Variants in DLGAP2 observed in about 807,000 individuals in gnomAD.
The protein encoded by DLGAP2 is DLG associated protein 2, also known as disks large-associated protein 2.
In DLGAP2, 26 loss-of-function variants were observed where a neutral mutation model predicts 100.3. The ratio of observed to expected loss-of-function variants is 0.26; its 90% CI spans 0.19 to 0.36. The LOEUF is 0.36. Ranked by LOEUF, DLGAP2 falls within the 10% of genes least tolerant of loss-of-function variation. The pLI is 1.00. For synonymous variants in DLGAP2, 886 were observed against 630.1 expected (o/e 1.41, Z -6.08); for missense variants, 1,858 against 1,453.2 (o/e 1.28, Z -4.53).
chr8:1,127,106 T>G (rs554442148), intron 2 of DLGAP2, among the ~76,000 whole-genome samples: 78 of 148,796 alleles, frequency 5.2e-4, no homozygotes, highest in Non-Finnish European at 7.5e-4. Flanking sequence ...AGCACAGCTC[T>G]TAAACGGTCC....
At chr8:1,086,165 G>T (rs1803966666) in intron 2 of DLGAP2, among the ~76,000 whole-genome samples, 1 of 152,108 alleles carries the variant, frequency 6.6e-6, no homozygotes, top group African/African-American at 2.4e-5. Context: ...AGTTTTTGGT[G>T]GAGTTTGTAG....
chr8:1,036,747 G>C (rs1385385378), intron 2 of DLGAP2, among the ~76,000 whole-genome samples: 3 of 152,156 alleles, frequency 2.0e-5, no homozygotes, highest in African/African-American at 7.2e-5. Flanking sequence ...GCGGAGCGTG[G>C]AGTGAACAGG....
intron 10 of DLGAP2, among the ~76,000 whole-genome samples, chr8:1,673,226 C>A (rs2130846542): frequency 6.6e-6 from 1 of 152,322 alleles, no homozygotes; most frequent in East Asian, 1.9e-4. Flanking sequence ...ACCCCCTCAG[C>A]CTTGCAGAGC....
chr8:904,817 A>G (rs1798341908), intron 1 of DLGAP2, among the ~76,000 whole-genome samples: 1 of 152,244 alleles, frequency 6.6e-6, no homozygotes, highest in African/African-American at 2.4e-5. Context: ...GCTGTAGAAC[A>G]GGCAGGTTGT....
At chr8:856,553 A>G (rs1797282669) in intron 1 of DLGAP2, among the ~76,000 whole-genome samples, 1 of 152,234 alleles carries the variant, frequency 6.6e-6, no homozygotes, top group Non-Finnish European at 1.5e-5. Flanking sequence ...GTTAATATGC[A>G]AAGGTCAGTT....
chr8:1,476,143 C>G (rs1037085916), intron 3 of DLGAP2, among the ~76,000 whole-genome samples: 17 of 152,158 alleles, frequency 1.1e-4, no homozygotes, highest in Non-Finnish European at 2.2e-4. Flanking sequence ...CTGTGAAACT[C>G]AAGACCTGCT....
In DLGAP2 at chr8:1,427,127, TAATC is replaced by T. The variant is rs373130135; in HGVS notation, c.107-74237_107-74234del. On this transcript the variant is annotated intron_variant, in intron 3 of 14. Transcript: ENST00000637795. ...ACACTACATAGGTTAAAAATCCAAT[TAATC>T]AGGAGCATAATAAGTATGAACTAAT... is the stretch of plus-strand genomic sequence containing the variant. Among the ~76,000 whole-genome samples the T allele has an allele frequency of 7.3e-4, 111 of 152,298 alleles. No homozygotes were observed. In the East Asian group the frequency reaches 0.018, roughly 24 times the overall value.
intron 2 of DLGAP2, among the ~76,000 whole-genome samples, chr8:953,794 C>T (rs1799536598): frequency 6.6e-6 from 1 of 151,316 alleles, no homozygotes; most frequent in South Asian, 2.1e-4. Context: ...TTAAGACAGT[C>T]GTTTCCTTTG....
intron 3 of DLGAP2, among the ~76,000 whole-genome samples, chr8:1,265,346 G>T (rs1480344563): frequency 1.3e-5 from 2 of 152,184 alleles, no homozygotes. Flanking sequence ...TTATAAAGTA[G>T]ATTAGACAGA....
intron 4 of DLGAP2, among the ~76,000 whole-genome samples, chr8:1,506,174 AT>A (rs1042311199): frequency 6.6e-6 from 1 of 152,042 alleles, no homozygotes; most frequent in Non-Finnish European, 1.5e-5. Flanking sequence ...TCTCATTCTA[AT>A]GTTAATACAT....
At chr8:1,195,902 A>T (rs140245471) in intron 2 of DLGAP2, among the ~76,000 whole-genome samples, 1 of 152,292 alleles carries the variant, frequency 6.6e-6, no homozygotes, top group African/African-American at 2.4e-5. Context: ...TAGCATTTCT[A>T]ATTCTCCCAC....
intron 8 of DLGAP2, among the ~76,000 whole-genome samples, chr8:1,654,383 C>T (rs920344382): frequency 3.3e-5 from 5 of 152,102 alleles, no homozygotes; most frequent in Admixed American, 1.3e-4. Flanking sequence ...GGAACATGGC[C>T]GGGCATGGTG....
chr8:941,380 C>T (rs1046205275), intron 2 of DLGAP2, among the ~76,000 whole-genome samples: 1 of 152,144 alleles, frequency 6.6e-6, no homozygotes, highest in Non-Finnish European at 1.5e-5. Context: ...CCAAGCAAGG[C>T]TCCCCCATGC....
In DLGAP2 at chr8:1,054,251, T is replaced by G. The variant is rs1301403971; in HGVS notation, c.73+146285T>G. ...ACATGTATGCACATGTACACACACG[T>G]ACACACACGCACACACACGGACACA... On this transcript the variant is annotated intron_variant, in intron 2 of 14. Transcript: ENST00000637795. 2.6e-5 allele frequency among the ~76,000 whole-genome samples: 4 copies of G among 151,660 alleles called. No homozygotes were observed. In the East Asian group the frequency reaches 5.8e-4, roughly 22 times the overall value.
intron 3 of DLGAP2, among the ~76,000 whole-genome samples, chr8:1,267,391 C>T (rs1046561271): frequency 3.3e-5 from 5 of 150,554 alleles, no homozygotes; most frequent in Admixed American, 3.3e-4. Context: ...CATGGTGAAA[C>T]CCCATCTCTA....
At chr8:1,186,855 C>T (rs1298908865) in intron 2 of DLGAP2, among the ~76,000 whole-genome samples, 1 of 152,184 alleles carries the variant, frequency 6.6e-6, no homozygotes, top group African/African-American at 2.4e-5. Context: ...TCTTCTCACT[C>T]ACCTTCACAT....
At chr8:1,067,157 G>A (rs1803280580) in intron 2 of DLGAP2, among the ~76,000 whole-genome samples, 1 of 152,184 alleles carries the variant, frequency 6.6e-6, no homozygotes, top group African/African-American at 2.4e-5. Context: ...TGTGACCAGG[G>A]CTGTGGCCAC....
intron 1 of DLGAP2, among the ~76,000 whole-genome samples, chr8:850,963 C>T (rs772753502): frequency 2.0e-5 from 3 of 152,034 alleles, no homozygotes; most frequent in Non-Finnish European, 4.4e-5. Context: ...GAAAATGCTG[C>T]AAAGAGGCCA....
intron 2 of DLGAP2, among the ~76,000 whole-genome samples, chr8:1,009,923 G>A (rs980944860): frequency 6.6e-6 from 1 of 152,196 alleles, no homozygotes; most frequent in Non-Finnish European, 1.5e-5. Flanking sequence ...TAACAAGCCA[G>A]TAAGGTCTTG....
Sources: allele counts gnomAD v4.1 joint callset (sites outside exome capture counted in the v4.1 genomes callset), GRCh38; gene constraint gnomAD v4.1.1; transcripts MANE v1.5; gene names NCBI Gene and HGNC (gene_info 2026-07-23, HGNC 2026-07-21).